TAFA2: variants seen among roughly 807,000 people sequenced by gnomAD.
TAFA2 encodes the protein chemokine-like protein TAFA-2.
In TAFA2, 7 loss-of-function variants were observed where a neutral mutation model predicts 18.8. That is an observed-to-expected ratio of 0.37 (90% CI 0.21 to 0.70). The LOEUF is 0.70. TAFA2 is among the 30% of genes least tolerant of loss of function. The pLI is 0.53. For synonymous variants in TAFA2, 60 were observed against 54.2 expected (o/e 1.11, Z -0.47); for missense variants, 122 against 158.1 (o/e 0.77, Z 1.23).
At chr12:61,975,597 T>C (rs1879404198) in intron 1 of TAFA2, among the ~76,000 whole-genome samples, 2 of 150,066 alleles carry the variant, frequency 1.3e-5, no homozygotes, top group South Asian at 4.2e-4. Context: ...GTTGTTTCCA[T>C]AGCCTGGCTA....
intron 1 of TAFA2, among the ~76,000 whole-genome samples, chr12:62,174,631 A>G (rs1478114269): frequency 6.6e-6 from 1 of 152,220 alleles, no homozygotes; most frequent in Non-Finnish European, 1.5e-5. Context: ...AATTTAATAA[A>G]GGGTCCATCT....
At chr12:62,256,395 T>A (rs1221615716) in intron 1 of TAFA2, among the ~76,000 whole-genome samples, 2 of 152,240 alleles carry the variant, frequency 1.3e-5, no homozygotes, top group Admixed American at 6.5e-5. Context: ...CTAATTTTTT[T>A]AAATTTAGAC....
intron 2 of TAFA2, among the ~76,000 whole-genome samples, chr12:61,796,254 A>C (rs1871184836): frequency 6.6e-6 from 1 of 152,152 alleles, no homozygotes; most frequent in Admixed American, 6.5e-5. Context: ...ACACATTTTA[A>C]CTCAAAACTG....
chr12:61,790,270 T>C (rs891067948), intron 2 of TAFA2, among the ~76,000 whole-genome samples: 1 of 151,740 alleles, frequency 6.6e-6, no homozygotes, highest in Admixed American at 6.6e-5. Flanking sequence ...TCATACTAAA[T>C]GGAGAAAAGC....
chr12:61,955,411 A>G (rs1265581717), intron 1 of TAFA2, among the ~76,000 whole-genome samples: 1 of 150,778 alleles, frequency 6.6e-6, no homozygotes, highest in Admixed American at 6.6e-5. Flanking sequence ...AGACCATCCT[A>G]GCCAACATGG....
rs993819516 is a variant in TAFA2, at chr12:62,210,223, G to A, written c.-130+48540C>T. Among the ~76,000 whole-genome samples, 4 of 121,182 alleles carry A rather than the reference G, an allele frequency of 3.3e-5. No individual in the cohort carries two copies. The East Asian group carries it at 9.6e-4, about 29-fold the overall frequency. The allele number at this position is 121,182 out of a possible 152,430, so 79.5% of individuals were successfully genotyped here. Reference sequence around the variant, plus strand: ...TAAATAAATAAATAAATAAATAAAGGCATCCAGATTTACAAATAGATTATT... The same window carrying A: ...TAAATAAATAAATAAATAAATAAAGACATCCAGATTTACAAATAGATTATT... On this transcript the variant is annotated intron_variant, in intron 1 of 5. Coordinates refer to the TAFA2 transcript ENST00000551619.
At chr12:61,728,129 G>C (rs886064294) in intron 4 of TAFA2, among the ~76,000 whole-genome samples, 3 of 147,432 alleles carry the variant, frequency 2.0e-5, no homozygotes, top group African/African-American at 7.5e-5. Flanking sequence ...ATTGAGACTT[G>C]TTTTGTGGCC....
rs79560293 is a variant in TAFA2 at position 61,832,130 on chromosome 12, G to A, written c.106+35190C>T. On this transcript the variant is annotated intron_variant, in intron 2 of 4. Transcript: ENST00000416284. ...CAGACACTAACTTTCCTCCCCTTAA[G>A]CCTAATTACCCTTTCTTAGATCAGT... Among the ~76,000 whole-genome samples the A allele has an allele frequency of 6.7e-3, 1,015 of 152,008 alleles. 34 individuals are homozygous for A. In the East Asian group the frequency reaches 0.1, roughly 15 times the overall value.
chr12:61,909,962 G>A (rs1876529051), intron 1 of TAFA2, among the ~76,000 whole-genome samples: 1 of 152,122 alleles, frequency 6.6e-6, no homozygotes, highest in South Asian at 2.1e-4. Flanking sequence ...AGGAGGCTAT[G>A]CAAAAGGACA....
chr12:62,130,444 T>TTAATTA, intron 1 of TAFA2, among the ~76,000 whole-genome samples: 1 of 151,978 alleles, frequency 6.6e-6, no homozygotes, highest in Admixed American at 6.6e-5. Flanking sequence ...ATTATATTAA[T>TTAATTA]ATAAATTAAT....
intron 1 of TAFA2, among the ~76,000 whole-genome samples, chr12:61,934,369 G>A (rs981491159): frequency 2.0e-5 from 3 of 152,140 alleles, no homozygotes; most frequent in African/African-American, 4.8e-5. Flanking sequence ...GAAGAACTCA[G>A]AAATTCAAAA....
At chr12:62,153,012 G>A (rs901193069) in intron 1 of TAFA2, among the ~76,000 whole-genome samples, 2 of 152,108 alleles carry the variant, frequency 1.3e-5, no homozygotes, top group East Asian at 1.9e-4. Context: ...TAGCACCACC[G>A]CCTCACCCAG....
chr12:61,732,262 G>A (rs1870486258), intron 4 of TAFA2, among the ~76,000 whole-genome samples: 2 of 152,134 alleles, frequency 1.3e-5, no homozygotes, highest in African/African-American at 2.4e-5. Flanking sequence ...AAAGGGTGGT[G>A]TGGTGTCAGT....
chr12:62,057,182 T>C (rs982850275), intron 1 of TAFA2, among the ~76,000 whole-genome samples: 8 of 152,244 alleles, frequency 5.3e-5, no homozygotes, highest in African/African-American at 1.9e-4. Flanking sequence ...AAGTTTTCTA[T>C]TTCTTCTTGA....
chr12:62,004,342 A>T (rs1880476064), intron 1 of TAFA2, among the ~76,000 whole-genome samples: 1 of 152,178 alleles, frequency 6.6e-6, no homozygotes, highest in Non-Finnish European at 1.5e-5. Flanking sequence ...TTACAAGTGG[A>T]TCACCAGCAC....
intron 2 of TAFA2, among the ~76,000 whole-genome samples, chr12:61,849,465 C>G (rs1873551382): frequency 6.6e-6 from 1 of 152,150 alleles, no homozygotes; most frequent in African/African-American, 2.4e-5. Flanking sequence ...AAATTTAATT[C>G]CCAGCCTAGT....
chr12:62,154,489 T>C (rs1392036873), intron 1 of TAFA2, among the ~76,000 whole-genome samples: 2 of 152,188 alleles, frequency 1.3e-5, no homozygotes, highest in Non-Finnish European at 2.9e-5. Flanking sequence ...ATTAGGGTTA[T>C]GTTAGTACAG....
intron 2 of TAFA2, among the ~76,000 whole-genome samples, chr12:61,841,664 T>G (rs907377605): frequency 1.3e-5 from 2 of 152,112 alleles, no homozygotes; most frequent in Admixed American, 6.6e-5. Flanking sequence ...AGGATTTTTT[T>G]AAATTTCTGG....
intron 1 of TAFA2, among the ~76,000 whole-genome samples, chr12:61,949,877 ATCT>A (rs1244920268): frequency 6.6e-6 from 1 of 152,122 alleles, no homozygotes; most frequent in African/African-American, 2.4e-5. Flanking sequence ...AAACTTTTTC[ATCT>A]TGCAAAATCG....
Sources: allele counts gnomAD v4.1 joint callset (sites outside exome capture counted in the v4.1 genomes callset), GRCh38; gene constraint gnomAD v4.1.1; transcripts MANE v1.5; gene names NCBI Gene and HGNC (gene_info 2026-07-23, HGNC 2026-07-21).